Variants in CDH13 observed in about 807,000 individuals in gnomAD.
The protein encoded by CDH13 is cadherin 13, also known as cadherin-13.
CDH13 carries 24 observed loss-of-function variants against 63.8 expected under a neutral mutation model. That is an observed-to-expected ratio of 0.38 (90% CI 0.27 to 0.53). The LOEUF (loss-of-function observed/expected upper bound fraction) is 0.53, where lower values mean the gene tolerates loss of function less well. Among genes scored for constraint, CDH13 ranks in the 20% least tolerant of loss-of-function variants. The probability of loss-of-function intolerance (pLI) is 0.85; values close to 1 mark genes in which losing one functional copy is unlikely to be tolerated. For missense variants in CDH13, 1,049 were observed against 903.1 expected (o/e 1.16, Z -2.07); for synonymous variants, 503 against 355.3 (o/e 1.42, Z -4.67).
At chr16:83,546,788 A>G (rs922151077) in intron 7 of CDH13, among the ~76,000 whole-genome samples, 5 of 152,162 alleles carry the variant, frequency 3.3e-5, no homozygotes, top group Non-Finnish European at 7.3e-5. Context: ...ATTGTTACTC[A>G]GTTGATGTCA....
intron 1 of CDH13, among the ~76,000 whole-genome samples, chr16:82,666,598 A>G (rs1027711866): frequency 6.6e-6 from 1 of 152,172 alleles, no homozygotes; most frequent in Admixed American, 6.5e-5. Flanking sequence ...AACAACAACT[A>G]CTACTATTTT....
At chr16:83,481,779 G>A (rs1243707852) in intron 6 of CDH13, among the ~76,000 whole-genome samples, 8 of 152,104 alleles carry the variant, frequency 5.3e-5, no homozygotes, top group African/African-American at 1.9e-4. Context: ...GTATTGTGAC[G>A]GGGGAAAAGA....
At chr16:83,668,557 T>C (rs948893366) in intron 8 of CDH13, among the ~76,000 whole-genome samples, 1 of 152,186 alleles carries the variant, frequency 6.6e-6, no homozygotes, top group African/African-American at 2.4e-5. Flanking sequence ...AAGGACGGGT[T>C]ATGAGCTGAC....
chr16:83,647,120 A>G (rs1911898903), intron 8 of CDH13, among the ~76,000 whole-genome samples: 1 of 151,858 alleles, frequency 6.6e-6, no homozygotes, highest in Admixed American at 6.6e-5. Flanking sequence ...ACCATCCTGT[A>G]TAACACGGTG....
intron 8 of CDH13, among the ~76,000 whole-genome samples, chr16:83,611,426 T>C (rs889225181): frequency 1.4e-4 from 22 of 152,034 alleles, no homozygotes; most frequent in Non-Finnish European, 2.9e-5. Context: ...TCATTTTTTT[T>C]CTCTATTTTT....
At chr16:83,010,950 C>G (rs1039940583) in intron 2 of CDH13, among the ~76,000 whole-genome samples, 1 of 152,204 alleles carries the variant, frequency 6.6e-6, no homozygotes, top group East Asian at 1.9e-4. Flanking sequence ...TCCTTCTTTT[C>G]TTTCCAGAGC....
intron 3 of CDH13, among the ~76,000 whole-genome samples, chr16:83,054,664 G>C (rs923718327): frequency 6.6e-6 from 1 of 152,106 alleles, no homozygotes; most frequent in African/African-American, 2.4e-5. Flanking sequence ...CAAAACTACA[G>C]ATAAGAGGGT....
chr16:83,577,466 C>G (rs1014551704), intron 7 of CDH13, among the ~76,000 whole-genome samples: 3 of 152,256 alleles, frequency 2.0e-5, no homozygotes, highest in Non-Finnish European at 4.4e-5. Context: ...GACCTGCACA[C>G]TGACATTTAA....
chr16:83,656,633 G>C (rs866719637), intron 8 of CDH13, among the ~76,000 whole-genome samples: 1 of 152,172 alleles, frequency 6.6e-6, no homozygotes, highest in Non-Finnish European at 1.5e-5. Flanking sequence ...GAATGGTAAA[G>C]GTGATTTAGT....
At chr16:83,724,755 G>A (rs1238057921) in intron 10 of CDH13, among the ~76,000 whole-genome samples, 1 of 152,164 alleles carries the variant, frequency 6.6e-6, no homozygotes, top group Non-Finnish European at 1.5e-5. Flanking sequence ...GTCAGCGTCA[G>A]GAGCAAGATG....
chr16:83,461,521 C>T (rs916832041), intron 6 of CDH13, among the ~76,000 whole-genome samples: 1 of 152,132 alleles, frequency 6.6e-6, no homozygotes, highest in Non-Finnish European at 1.5e-5. Flanking sequence ...GGTGAGACCC[C>T]CGCCTTTGTT....
In CDH13 at chr16:83,161,811, C is replaced by A. The variant is rs141687589; in HGVS notation, c.483+36310C>A. ...AACAAACAACAACTCTAAAAGATTC[C>A]CCGAGATGAGAGTTTCAGAAGCCTG... On this transcript the variant is annotated intron_variant, in intron 4 of 13. Coordinates refer to ENST00000567109, the MANE Select transcript of CDH13 (RefSeq NM_001257.5). 3.8e-4 allele frequency among the ~76,000 whole-genome samples: 58 copies of A among 152,240 alleles called. 1 individual carries two copies. The highest frequency in any genetic ancestry group is 1.2e-3 in the African/African-American group (49 of 41,562).
intron 6 of CDH13, among the ~76,000 whole-genome samples, chr16:83,422,049 T>C (rs2071731663): frequency 6.6e-6 from 1 of 152,192 alleles, no homozygotes; most frequent in Non-Finnish European, 1.5e-5. Flanking sequence ...CTTATTCATG[T>C]TGGTCTCAGT....
At chr16:82,697,323 TC>T (rs1253610612) in intron 1 of CDH13, among the ~76,000 whole-genome samples, 1 of 152,098 alleles carries the variant, frequency 6.6e-6, no homozygotes, top group East Asian at 1.9e-4. Context: ...ACTGGTGATT[TC>T]CATCTGAAGA....
intron 8 of CDH13, among the ~76,000 whole-genome samples, chr16:83,610,049 A>G (rs972002604): frequency 2.0e-5 from 3 of 152,194 alleles, no homozygotes; most frequent in Non-Finnish European, 2.9e-5. Flanking sequence ...GTGTCTTAGT[A>G]CTTCATTTCT....
chr16:83,148,850 C>G (rs548649822), intron 4 of CDH13, among the ~76,000 whole-genome samples: 1 of 151,538 alleles, frequency 6.6e-6, no homozygotes, highest in African/African-American at 2.4e-5. Context: ...TTAAAGACCG[C>G]TTTCAGCTCC....
chr16:82,727,350 A>G (rs1029593130), intron 1 of CDH13: 2 of 152,112 alleles, frequency 1.3e-5, no homozygotes, highest in African/African-American at 4.8e-5. Flanking sequence ...AAATTAGAAG[A>G]TTGACTGATT....
chr16:83,671,040 G>C, intron 9 of CDH13, 68 bp downstream of exon 9: 1 of 1,343,870 alleles, frequency 7.4e-7, no homozygotes, highest in Non-Finnish European at 1.0e-6. Context: ...GCAGCTCATA[G>C]AATCATTGAG....
At chr16:83,052,327 A>G (rs970187096) in intron 3 of CDH13, among the ~76,000 whole-genome samples, 12 of 152,242 alleles carry the variant, frequency 7.9e-5, no homozygotes, top group Non-Finnish European at 1.6e-4. Flanking sequence ...TCCTATAGAA[A>G]TAAGATGTAA....
Sources: gnomAD v4.1 joint callset for allele counts (sites outside exome capture counted in the v4.1 genomes callset) on GRCh38, gnomAD v4.1.1 for gene constraint, MANE v1.5 for transcripts, NCBI Gene and HGNC (gene_info 2026-07-23, HGNC 2026-07-21) for gene names.